The following SPTLC1 variants were observed in gnomAD, a reference collection of about 807,000 sequenced individuals.
SPTLC1 encodes serine palmitoyltransferase 1.
In SPTLC1, 55 loss-of-function variants were observed where a neutral mutation model predicts 68.9. The ratio of observed to expected loss-of-function variants is 0.80; its 90% CI spans 0.64 to 1.00. The LOEUF (loss-of-function observed/expected upper bound fraction) is 1.00, where lower values mean the gene tolerates loss of function less well. Ranked by LOEUF, SPTLC1 falls within the 50% of genes least tolerant of loss-of-function variation. SPTLC1 has a pLI of 0.00. For missense variants in SPTLC1, 449 were observed against 573.1 expected (o/e 0.78, Z 2.21); for synonymous variants, 197 against 201.6 (o/e 0.98, Z 0.19).
In SPTLC1 at chr9:92,098,348, A is replaced by G. The variant is rs369892080; in HGVS notation, c.260+10392T>C. Among the ~76,000 whole-genome samples, 1,480 of 150,840 alleles carry G rather than the reference A, an allele frequency of 9.8e-3. 22 individuals are homozygous for G. Among genetic ancestry groups the G allele is most frequent in the African/African-American group, 0.034 (1,382 of 40,834 alleles). ...CCCAGCATCCATAAAAGCGCTCTGC[A>G]CCTTTGGCACAGCGCGACTTCCCTG... is the stretch of plus-strand genomic sequence containing the variant. On this transcript the variant is annotated intron_variant, in intron 3 of 14. Transcript: ENST00000262554.
In SPTLC1 at chr9:92,114,691, C is replaced by T. The variant is rs192188768; in HGVS notation, c.57+623G>A. 1.2e-4 allele frequency among the ~76,000 whole-genome samples: 18 copies of T among 151,644 alleles called. 1 individual carries two copies. The highest frequency in any genetic ancestry group is 9.8e-4 in the Admixed American group (15 of 15,262). On this transcript the variant is annotated intron_variant, in intron 1 of 14. Coordinates refer to ENST00000262554, the MANE Select transcript of SPTLC1 (RefSeq NM_006415.4). ...CGGAGGTTGTAGTGAGCCGAGATCA[C>T]GCCCTTGCACTCCAGCTTGAGCAAC...
chr9:92,102,272 A>C (rs1489813635), intron 3 of SPTLC1, among the ~76,000 whole-genome samples: 1 of 152,266 alleles, frequency 6.6e-6, no homozygotes, highest in Non-Finnish European at 1.5e-5. Flanking sequence ...CCTGACAAGA[A>C]ATGCTTAACA....
chr9:92,114,735 CAAAA>C (rs200895703), intron 1 of SPTLC1, among the ~76,000 whole-genome samples: 2 of 110,430 alleles, frequency 1.8e-5, no homozygotes, highest in African/African-American at 6.8e-5. Context: ...AACACCGTCT[CAAAA>C]AAAAAAAACA....
intron 6 of SPTLC1, among the ~76,000 whole-genome samples, chr9:92,060,077 T>C (rs1834033377): frequency 6.6e-6 from 1 of 152,112 alleles, no homozygotes; most frequent in South Asian, 2.1e-4. Flanking sequence ...TCAGGACTAT[T>C]AGCATCACCC....
intron 8 of SPTLC1, among the ~76,000 whole-genome samples, chr9:92,052,378 T>C (rs537294759): frequency 2.0e-5 from 3 of 152,194 alleles, no homozygotes; most frequent in African/African-American, 7.2e-5. Flanking sequence ...TAACCACTTG[T>C]GAAAGAATAA....
intron 3 of SPTLC1, 140 bp from the exon 4 acceptor site, chr9:92,081,103 A>C (rs975969093): frequency 1.5e-6 from 1 of 686,706 alleles, no homozygotes; most frequent in Non-Finnish European, 2.6e-6. Flanking sequence ...TGTTTTTAAG[A>C]AGTAATATTA....
At chr9:92,099,480 CTTTT>C (rs201801428) in intron 3 of SPTLC1, among the ~76,000 whole-genome samples, 12 of 141,888 alleles carry the variant, frequency 8.5e-5, no homozygotes, top group Admixed American at 7.0e-5. Context: ...TTTTACTGTA[CTTTT>C]TTTTTTTTTT....
intron 5 of SPTLC1, among the ~76,000 whole-genome samples, chr9:92,075,921 C>T (rs1834668788): frequency 6.6e-6 from 1 of 152,174 alleles, no homozygotes; most frequent in Non-Finnish European, 1.5e-5. Flanking sequence ...CCCCATATTT[C>T]CCTTTTTCCT....
chr9:92,086,651 C>T (rs1337798347), intron 3 of SPTLC1, among the ~76,000 whole-genome samples: 1 of 152,144 alleles, frequency 6.6e-6, no homozygotes, highest in Non-Finnish European at 1.5e-5. Flanking sequence ...GGTAACCCAA[C>T]CTTTCTCTCT....
intron 8 of SPTLC1, among the ~76,000 whole-genome samples, chr9:92,052,285 C>T (rs1241058390): frequency 1.3e-5 from 2 of 152,148 alleles, no homozygotes; most frequent in East Asian, 1.9e-4. Flanking sequence ...TAAACCCATA[C>T]ATCTATGGTC....
chr9:92,075,447 TAGAGGCAACCC>T (rs1180698251), intron 5 of SPTLC1, among the ~76,000 whole-genome samples: 2 of 152,156 alleles, frequency 1.3e-5, no homozygotes, highest in Admixed American at 6.5e-5. Flanking sequence ...AAAAAGGCCC[TAGAGGCAACCC>T]CTACTCAAGC....
intron 8 of SPTLC1, chr9:92,050,937 CA>C: frequency 1.0e-6 from 1 of 971,340 alleles, no homozygotes; most frequent in Non-Finnish European, 1.2e-6. Context: ...CTCCGCCACC[CA>C]AAGTGTTGGG....
chr9:92,089,048 G>A (rs570423753), intron 3 of SPTLC1, among the ~76,000 whole-genome samples: 2 of 152,346 alleles, frequency 1.3e-5, no homozygotes, highest in Non-Finnish European at 1.5e-5. Flanking sequence ...CCAAGAACGC[G>A]AGACGCTGGA....
At chr9:92,033,292 T>C (rs1269836238) in intron 14 of SPTLC1, among the ~76,000 whole-genome samples, 1 of 152,238 alleles carries the variant, frequency 6.6e-6, no homozygotes, top group Non-Finnish European at 1.5e-5. Flanking sequence ...CGTATTTATG[T>C]CAATAGCAAT....
chr9:92,079,434 C>T, intron 5 of SPTLC1: 2 of 1,588,358 alleles, frequency 1.3e-6, no homozygotes, highest in Admixed American at 1.8e-5. Context: ...TAAAAACAAC[C>T]ATAAAATGCC....
intron 6 of SPTLC1, among the ~76,000 whole-genome samples, chr9:92,065,654 G>A (rs1277140703): frequency 6.6e-6 from 1 of 152,208 alleles, no homozygotes; most frequent in Admixed American, 6.5e-5. Flanking sequence ...TGACACTGCA[G>A]CTGTCTGTAA....
intron 11 of SPTLC1, chr9:92,046,263 C>T: frequency 1.7e-6 from 1 of 587,350 alleles, no homozygotes; most frequent in Non-Finnish European, 3.0e-6. Flanking sequence ...CAGTATCCCA[C>T]TTTCAACAAA....
rs1171462461 is a variant in SPTLC1, at chr9:92,104,980, A to G, written c.260+3760T>C. 6.5e-6 allele frequency: 10 copies of G among 1,532,462 alleles called. No individual in the cohort carries two copies. The East Asian group carries it at 2.4e-4, about 37-fold the overall frequency. The allele number at this position is 1,532,462 out of a possible 1,614,324, so 94.9% of individuals were successfully genotyped here. On this transcript the variant is annotated intron_variant, in intron 3 of 14. Coordinates refer to ENST00000262554, the MANE Select transcript of SPTLC1 (RefSeq NM_006415.4). ...TTGGGAAGCCTGACCCACTTCCAAC[A>G]GTGCTCCCTGCCCCAGTTCCGGGCT...
intron 3 of SPTLC1, among the ~76,000 whole-genome samples, chr9:92,094,448 G>C (rs907974714): frequency 3.3e-5 from 5 of 152,210 alleles, no homozygotes; most frequent in African/African-American, 1.2e-4. Context: ...GAAAATGTAA[G>C]TCAAGACATT....
Sources: gnomAD v4.1 joint callset for allele counts (sites outside exome capture counted in the v4.1 genomes callset) on GRCh38, gnomAD v4.1.1 for gene constraint, MANE v1.5 for transcripts, NCBI Gene and HGNC (gene_info 2026-07-23, HGNC 2026-07-21) for gene names.